MACROD2: variants seen among roughly 807,000 people sequenced by gnomAD.
The protein encoded by MACROD2 is ADP-ribose glycohydrolase MACROD2.
MACROD2 carries 36 observed loss-of-function variants against 70.4 expected under a neutral mutation model. The observed-to-expected ratio is 0.51, with a 90% CI of 0.39 to 0.68. MACROD2 has a LOEUF of 0.68. MACROD2 is among the 30% of genes least tolerant of loss of function. The pLI, the probability that MACROD2 is intolerant of heterozygous loss-of-function variation, is 0.00. For missense variants in MACROD2, 496 were observed against 538.4 expected (o/e 0.92, Z 0.78); for synonymous variants, 172 against 178.8 (o/e 0.96, Z 0.30).
At chr20:14,799,793 G>A (rs1007975529) in intron 5 of MACROD2, among the ~76,000 whole-genome samples, 1 of 151,852 alleles carries the variant, frequency 6.6e-6, no homozygotes, top group African/African-American at 2.4e-5. Flanking sequence ...TCTCACTTGG[G>A]GCCCTGTTTG....
chr20:14,639,941 C>T (rs574721298), intron 4 of MACROD2, among the ~76,000 whole-genome samples: 9 of 152,196 alleles, frequency 5.9e-5, no homozygotes, highest in African/African-American at 1.9e-4. Flanking sequence ...AATTATAAAT[C>T]GTTCTCAACT....
intron 5 of MACROD2, among the ~76,000 whole-genome samples, chr20:14,954,706 T>TA (rs1555855400): frequency 4.8e-4 from 13 of 27,032 alleles, no homozygotes; most frequent in African/African-American, 1.4e-3. Flanking sequence ...TATAAATAAA[T>TA]TATAAATATA....
chr20:14,496,802 G>A (rs1600303469), intron 4 of MACROD2, among the ~76,000 whole-genome samples: 1 of 151,736 alleles, frequency 6.6e-6, no homozygotes, highest in Admixed American at 6.5e-5. Context: ...GGTCTATAGT[G>A]ACTGAATTGT....
intron 5 of MACROD2, among the ~76,000 whole-genome samples, chr20:15,202,722 C>T (rs2076667243): frequency 6.6e-6 from 1 of 152,128 alleles, no homozygotes; most frequent in Admixed American, 6.6e-5. Flanking sequence ...GTAAAACTTC[C>T]TATAATTTGA....
At chr20:14,149,913 C>T (rs1224939495) in intron 3 of MACROD2, among the ~76,000 whole-genome samples, 1 of 152,062 alleles carries the variant, frequency 6.6e-6, no homozygotes. Context: ...CAGACAAATC[C>T]TAAACCTTAA....
intron 3 of MACROD2, among the ~76,000 whole-genome samples, chr20:14,340,541 T>C (rs906392155): frequency 2.4e-5 from 2 of 83,560 alleles, no homozygotes; most frequent in African/African-American, 9.0e-5. Context: ...TTACAGTCAG[T>C]AAATGGAAGT....
intron 3 of MACROD2, among the ~76,000 whole-genome samples, chr20:14,488,756 A>G (rs2084762261): frequency 6.6e-6 from 1 of 152,194 alleles, no homozygotes; most frequent in Non-Finnish European, 1.5e-5. Flanking sequence ...TTTGTAAAAT[A>G]AAGGGGTTGG....
At chr20:15,802,313 T>A (rs1391541950) in intron 8 of MACROD2, among the ~76,000 whole-genome samples, 1 of 152,204 alleles carries the variant, frequency 6.6e-6, no homozygotes, top group Non-Finnish European at 1.5e-5. Context: ...TTCAGTATGA[T>A]GCCAGCTGTG....
chr20:15,656,947 G>A (rs1352474332), intron 8 of MACROD2, among the ~76,000 whole-genome samples: 2 of 152,006 alleles, frequency 1.3e-5, no homozygotes, highest in Non-Finnish European at 2.9e-5. Context: ...GTAAGTATAT[G>A]ATAAAAATAA....
chr20:15,661,814 A>G (rs2049825613), intron 8 of MACROD2, among the ~76,000 whole-genome samples: 2 of 152,188 alleles, frequency 1.3e-5, no homozygotes, highest in South Asian at 4.1e-4. Context: ...TTAAGGTGTA[A>G]TCACGTGCAT....
intron 12 of MACROD2, among the ~76,000 whole-genome samples, chr20:15,955,178 T>A (rs552098662): frequency 1.3e-5 from 2 of 152,082 alleles, no homozygotes; most frequent in African/African-American, 4.8e-5. Flanking sequence ...CTTTGAAAGA[T>A]TGGAAGAAGG....
At chr20:14,888,785 A>G (rs938737241) in intron 5 of MACROD2, 2 of 152,216 alleles carry the variant, frequency 1.3e-5, no homozygotes, top group African/African-American at 4.8e-5. Flanking sequence ...TAAAACATGT[A>G]TAACAAAACA....
chr20:15,739,434 T>G (rs1373645663), intron 8 of MACROD2, among the ~76,000 whole-genome samples: 2 of 152,092 alleles, frequency 1.3e-5, no homozygotes, highest in Admixed American at 1.3e-4. Context: ...TCAGGCCACA[T>G]TTAAAGGGTA....
intron 2 of MACROD2, among the ~76,000 whole-genome samples, chr20:14,062,229 T>G (rs960603139): frequency 6.6e-6 from 1 of 152,300 alleles, no homozygotes; most frequent in South Asian, 2.1e-4. Flanking sequence ...TCCTGACATG[T>G]TCCCTTCAGT....
intron 6 of MACROD2, among the ~76,000 whole-genome samples, chr20:15,372,703 G>A (rs1324438036): frequency 6.6e-6 from 1 of 152,058 alleles, no homozygotes; most frequent in Non-Finnish European, 1.5e-5. Flanking sequence ...AAATTTTATT[G>A]TGGAAAAAAT....
At chr20:14,461,830 T>C (rs963219242) in intron 3 of MACROD2, among the ~76,000 whole-genome samples, 7 of 152,050 alleles carry the variant, frequency 4.6e-5, no homozygotes, top group Non-Finnish European at 8.8e-5. Context: ...ACAAAGGATA[T>C]GGCTGCATAG....
At chr20:15,657,320 C>T (rs456451) in intron 8 of MACROD2, among the ~76,000 whole-genome samples, 84,103 of 151,952 alleles carry the variant, frequency 0.55, 23,382 homozygotes, top group East Asian at 0.65. Flanking sequence ...AGCCTTAGAG[C>T]ATAAGGCTAG....
chr20:15,309,713 ATAT>A (rs1475057133), intron 6 of MACROD2, among the ~76,000 whole-genome samples: 1 of 152,190 alleles, frequency 6.6e-6, no homozygotes, highest in Non-Finnish European at 1.5e-5. Context: ...GACAAATAAA[ATAT>A]TATAATATTC....
At chr20:15,597,103 G>C (rs926986601) in intron 8 of MACROD2, among the ~76,000 whole-genome samples, 4 of 152,136 alleles carry the variant, frequency 2.6e-5, no homozygotes, top group Admixed American at 6.5e-5. Context: ...TTATTTGTTT[G>C]TTTTGAGGAC....
Sources: gnomAD v4.1 joint callset for allele counts (sites outside exome capture counted in the v4.1 genomes callset) on GRCh38, gnomAD v4.1.1 for gene constraint, MANE v1.5 for transcripts, NCBI Gene and HGNC (gene_info 2026-07-23, HGNC 2026-07-21) for gene names.